ITCH: variants seen among roughly 807,000 people sequenced by gnomAD.
ITCH encodes the protein E3 ubiquitin-protein ligase Itchy homolog.
A neutral mutation model predicts 126.8 loss-of-function variants in ITCH; 28 were observed. The ratio of observed to expected loss-of-function variants is 0.22; its 90% CI spans 0.16 to 0.30. The LOEUF (loss-of-function observed/expected upper bound fraction) is 0.30, where lower values mean the gene tolerates loss of function less well. Among genes scored for constraint, ITCH ranks in the 10% least tolerant of loss-of-function variants. The pLI is 1.00. For synonymous variants in ITCH, 342 were observed against 340.0 expected (o/e 1.01, Z -0.06); for missense variants, 631 against 1,032.4 (o/e 0.61, Z 5.33).
chr20:34,504,467 C>A, intron 24 of ITCH, 64 bp downstream of exon 24: 1 of 1,041,490 alleles, frequency 9.6e-7, no homozygotes, highest in Non-Finnish European at 1.5e-6. Context: ...CTATTTAAAG[C>A]CAGCTAGAAA....
intron 20 of ITCH, among the ~76,000 whole-genome samples, chr20:34,486,103 C>A (rs977584144): frequency 6.6e-6 from 1 of 151,998 alleles, no homozygotes; most frequent in Admixed American, 6.6e-5. Flanking sequence ...TAGCCTCAAC[C>A]TCCTGAGCTC....
chr20:34,405,958 T>C (rs2039045296), intron 3 of ITCH, among the ~76,000 whole-genome samples: 1 of 152,020 alleles, frequency 6.6e-6, no homozygotes. Context: ...GAATATTTTT[T>C]ATTCTGAAAA....
Position 34,508,187 on chromosome 20 carries a change from A to AT in ITCH, c.*395dup, listed in dbSNP as rs1433011946. The AT allele has an allele frequency of 4.4e-6, 1 of 225,020 alleles. No individual in the cohort carries two copies. Among genetic ancestry groups the AT allele is most frequent in the African/African-American group, 2.3e-5 (1 of 43,762 alleles). The allele number at this position is 225,020 out of a possible 1,614,324, so 13.9% of individuals were successfully genotyped here. A position where few individuals can be genotyped will look rare whatever the true frequency, so the allele number is the denominator to read the frequency against. The stretch of plus-strand genomic sequence containing the variant: ...TAACTGCAATATACAAGATTTTCCT[A>AT]TTAAGCCTCTTGGTAAGAGGCATTT... On this transcript the variant is annotated 3_prime_UTR_variant, in exon 25 of 25. Coordinates refer to ENST00000374864, the MANE Select transcript of ITCH (RefSeq NM_031483.7).
chr20:34,437,942 A>G (rs74884683), intron 7 of ITCH, among the ~76,000 whole-genome samples: 153 of 152,316 alleles, frequency 1.0e-3, no homozygotes, highest in African/African-American at 3.5e-3. Flanking sequence ...CTTCTACTCT[A>G]AATCACTAGC....
At chr20:34,475,945 A>G (rs1988175657) in intron 16 of ITCH, 9 of 1,476,954 alleles carry the variant, frequency 6.1e-6, no homozygotes, top group Admixed American at 5.0e-5. Flanking sequence ...TGCCCACATC[A>G]ATGGATTGTC....
At chr20:34,437,847 T>A (rs546080500) in intron 7 of ITCH, among the ~76,000 whole-genome samples, 20 of 152,332 alleles carry the variant, frequency 1.3e-4, no homozygotes, top group Admixed American at 1.1e-3. Flanking sequence ...CATTTCCTGT[T>A]AGTGTTCTTC....
At chr20:34,437,351 G>A (rs1253118631) in intron 7 of ITCH, among the ~76,000 whole-genome samples, 1 of 152,108 alleles carries the variant, frequency 6.6e-6, no homozygotes, top group African/African-American at 2.4e-5. Flanking sequence ...TGTCTCCCAG[G>A]TTGGAGTGCA....
intron 2 of ITCH, among the ~76,000 whole-genome samples, chr20:34,383,066 G>A: frequency 6.6e-6 from 1 of 151,832 alleles, no homozygotes; most frequent in East Asian, 1.9e-4. Context: ...TTTTCAGACA[G>A]GGTCCTACTT....
chr20:34,380,106 C>T (rs1054508223), intron 2 of ITCH, among the ~76,000 whole-genome samples: 3 of 151,960 alleles, frequency 2.0e-5, no homozygotes, highest in African/African-American at 7.3e-5. Flanking sequence ...CCATGTTGAC[C>T]AGGATCGTCT....
chr20:34,413,407 A>G (rs1228410613), intron 5 of ITCH, among the ~76,000 whole-genome samples: 1 of 152,118 alleles, frequency 6.6e-6, no homozygotes, highest in African/African-American at 2.4e-5. Context: ...TTTTTACTCA[A>G]TTTAATTCAG....
chr20:34,507,627 G>GTA, intron 24 of ITCH, 68 bp from the exon 25 acceptor site: 2 of 1,159,348 alleles, frequency 1.7e-6, no homozygotes, highest in Non-Finnish European at 2.6e-6. Flanking sequence ...GTATAAAGTA[G>GTA]TATACTACAC....
chr20:34,371,167 CAAA>C (rs1213462396), intron 2 of ITCH, among the ~76,000 whole-genome samples: 1 of 58,586 alleles, frequency 1.7e-5, no homozygotes. Context: ...GACTCCGTCT[CAAA>C]AAAAAAAAAA....
chr20:34,486,343 C>G (rs749471722), intron 20 of ITCH, among the ~76,000 whole-genome samples: 1 of 149,214 alleles, frequency 6.7e-6, no homozygotes, highest in Non-Finnish European at 1.5e-5. Context: ...TTTTTTCCCC[C>G]GAGACAGAGT....
chr20:34,504,279 A>G, intron 23 of ITCH, 52 bp from the exon 24 acceptor site: 2 of 1,340,414 alleles, frequency 1.5e-6, no homozygotes, highest in Non-Finnish European at 2.1e-6. Flanking sequence ...TGGGGAACAC[A>G]GTTTGAGATC....
intron 4 of ITCH, among the ~76,000 whole-genome samples, chr20:34,411,948 G>A (rs1043652840): frequency 2.0e-5 from 3 of 152,208 alleles, no homozygotes; most frequent in African/African-American, 4.8e-5. Flanking sequence ...GAAACTTGAT[G>A]TATGTAATGT....
intron 16 of ITCH, among the ~76,000 whole-genome samples, chr20:34,471,814 A>G (rs980433741): frequency 1.2e-4 from 18 of 148,844 alleles, no homozygotes; most frequent in African/African-American, 4.6e-4. Flanking sequence ...TTCCATTTCT[A>G]AACTGGTATG....
chr20:34,460,784 G>A (rs1201818917), intron 13 of ITCH, among the ~76,000 whole-genome samples: 5 of 152,108 alleles, frequency 3.3e-5, no homozygotes, highest in Non-Finnish European at 7.4e-5. Context: ...GCTTTGAGAG[G>A]CCAAAATAGG....
At chr20:34,477,623 T>C in intron 16 of ITCH, 149 bp from the exon 17 acceptor site, 1 of 645,168 alleles carries the variant, frequency 1.5e-6, no homozygotes, top group East Asian at 2.7e-5. Context: ...ATGTATTTTC[T>C]GTATGTGTGG....
At chr20:34,438,832 G>A (rs930049923) in intron 8 of ITCH, among the ~76,000 whole-genome samples, 1 of 152,208 alleles carries the variant, frequency 6.6e-6, no homozygotes, top group African/African-American at 2.4e-5. Flanking sequence ...TACTGAGGCA[G>A]TGCTCTACTG....
Sources: gnomAD v4.1 joint callset for allele counts (sites outside exome capture counted in the v4.1 genomes callset) on GRCh38, gnomAD v4.1.1 for gene constraint, MANE v1.5 for transcripts, NCBI Gene and HGNC (gene_info 2026-07-23, HGNC 2026-07-21) for gene names.